The following FAF1 variants were observed in gnomAD, a reference collection of about 807,000 sequenced individuals.
The protein encoded by FAF1 is FAS-associated factor 1.
FAF1 carries 25 observed loss-of-function variants against 92.5 expected under a neutral mutation model. That is an observed-to-expected ratio of 0.27 (90% CI 0.20 to 0.38). The LOEUF (loss-of-function observed/expected upper bound fraction) is 0.38. FAF1 is among the 10% of genes least tolerant of loss of function. The pLI, the probability that FAF1 is intolerant of heterozygous loss-of-function variation, is 1.00. For synonymous variants in FAF1, 234 were observed against 273.2 expected, an observed-to-expected ratio of 0.86 and a Z score of 1.42; for missense variants, 636 against 793.3, an observed-to-expected ratio of 0.80 and a Z score of 2.38.
At chr1:50,717,088 C>G (rs957438111) in intron 6 of FAF1, among the ~76,000 whole-genome samples, 9 of 152,200 alleles carry the variant, frequency 5.9e-5, no homozygotes, top group Admixed American at 3.9e-4. Context: ...AGCCGTAACA[C>G]TCACCGCGAA....
rs533015191 is a variant in FAF1, at chr1:50,760,324, G to A, written c.368-15549C>T. Among the ~76,000 whole-genome samples the A allele has an allele frequency of 7.1e-4, 108 of 152,178 alleles. 1 individual carries two copies. The highest frequency in any genetic ancestry group is 1.2e-3 in the Non-Finnish European group (82 of 68,016). On this transcript the variant is annotated intron_variant, in intron 4 of 18. Transcript: ENST00000396153. The stretch of plus-strand genomic sequence containing the variant: ...ATACCCAGGAATTGAACTCAGCTCT[G>A]CACCAAGCAGACCTAAGAGACATCT...
At chr1:50,641,800 T>C (rs979217267) in intron 8 of FAF1, among the ~76,000 whole-genome samples, 37 of 152,228 alleles carry the variant, frequency 2.4e-4, no homozygotes, top group Non-Finnish European at 4.0e-4. Flanking sequence ...GCTTTGGCTT[T>C]GCGTATTTTG....
chr1:50,552,409 A>G (rs1649356082), intron 13 of FAF1, among the ~76,000 whole-genome samples: 1 of 152,328 alleles, frequency 6.6e-6, no homozygotes, highest in South Asian at 2.1e-4. Context: ...AATAAATCCA[A>G]AGCTCATTCA....
chr1:50,620,590 G>A (rs1255215853), intron 8 of FAF1, among the ~76,000 whole-genome samples: 1 of 152,198 alleles, frequency 6.6e-6, no homozygotes, highest in East Asian at 1.9e-4. Flanking sequence ...CCATTGTTGG[G>A]AAACTAGTGG....
At chr1:50,896,223 T>A (rs1322295596) in intron 1 of FAF1, among the ~76,000 whole-genome samples, 1 of 152,082 alleles carries the variant, frequency 6.6e-6, no homozygotes, top group Non-Finnish European at 1.5e-5. Flanking sequence ...AGGTTGAGGC[T>A]GCGGTGAGCC....
intron 6 of FAF1, among the ~76,000 whole-genome samples, chr1:50,722,259 G>A (rs1658440859): frequency 6.6e-6 from 1 of 152,170 alleles, no homozygotes; most frequent in African/African-American, 2.4e-5. Flanking sequence ...GAGACTTTAT[G>A]TTGAGGACCA....
chr1:50,585,816 T>C (rs900412975), intron 9 of FAF1, among the ~76,000 whole-genome samples: 2 of 145,906 alleles, frequency 1.4e-5, no homozygotes, highest in Non-Finnish European at 3.0e-5. Flanking sequence ...AGAAAAGCAT[T>C]AATAGAAACA....
chr1:50,668,097 A>G (rs559822098), intron 7 of FAF1, among the ~76,000 whole-genome samples: 1 of 152,258 alleles, frequency 6.6e-6, no homozygotes, highest in Non-Finnish European at 1.5e-5. Flanking sequence ...AATGCAAAAA[A>G]CAAAGACAAC....
intron 15 of FAF1, among the ~76,000 whole-genome samples, chr1:50,530,191 T>C (rs1054751364): frequency 1.3e-4 from 20 of 151,884 alleles, no homozygotes; most frequent in African/African-American, 4.6e-4. Flanking sequence ...GAAAATTCTC[T>C]TAACAGAACT....
chr1:50,939,773 T>C (rs1428859195), intron 1 of FAF1, among the ~76,000 whole-genome samples: 2 of 152,224 alleles, frequency 1.3e-5, no homozygotes, highest in African/African-American at 2.4e-5. Context: ...CTGCATCTAT[T>C]GAGATGATCA....
chr1:50,663,488 C>T (rs1404713843), intron 7 of FAF1, among the ~76,000 whole-genome samples: 10 of 150,586 alleles, frequency 6.6e-5, no homozygotes, highest in South Asian at 2.1e-4. Flanking sequence ...CTGCAACCTC[C>T]GCCTCCCAGG....
At chr1:50,852,234 C>T (rs1644356775) in intron 2 of FAF1, among the ~76,000 whole-genome samples, 2 of 152,122 alleles carry the variant, frequency 1.3e-5, no homozygotes, top group Admixed American at 6.6e-5. Context: ...TGGGTTGTCC[C>T]GCTCTTTCCT....
chr1:50,927,121 C>T (rs1339953915), intron 1 of FAF1, among the ~76,000 whole-genome samples: 2 of 152,038 alleles, frequency 1.3e-5, no homozygotes, highest in Non-Finnish European at 2.9e-5. Context: ...AGGGAGTTAA[C>T]GTTTAATCAA....
chr1:50,934,046 C>T (rs1645068050), intron 1 of FAF1, among the ~76,000 whole-genome samples: 1 of 152,154 alleles, frequency 6.6e-6, no homozygotes, highest in Non-Finnish European at 1.5e-5. Context: ...CACAGCCAAA[C>T]CATATCAGCA....
intron 15 of FAF1, among the ~76,000 whole-genome samples, chr1:50,528,742 C>A (rs191427360): frequency 6.6e-6 from 1 of 152,018 alleles, no homozygotes; most frequent in Admixed American, 6.6e-5. Context: ...AGTGTGCCTG[C>A]CTCTTCTGCC....
At chr1:50,565,491 T>C (rs939001754) in intron 13 of FAF1, among the ~76,000 whole-genome samples, 2 of 152,100 alleles carry the variant, frequency 1.3e-5, no homozygotes, top group African/African-American at 2.4e-5. Flanking sequence ...GACACAGCTG[T>C]ACTGGCTCTT....
intron 1 of FAF1, among the ~76,000 whole-genome samples, chr1:50,915,071 T>C (rs1391597997): frequency 6.6e-6 from 1 of 152,156 alleles, no homozygotes; most frequent in African/African-American, 2.4e-5. Flanking sequence ...TTCTTTTTCA[T>C]CACTTAAAAA....
chr1:50,819,001 C>T (rs1644004961), intron 2 of FAF1, among the ~76,000 whole-genome samples: 1 of 152,042 alleles, frequency 6.6e-6, no homozygotes, highest in African/African-American at 2.4e-5. Flanking sequence ...TAGACTGTGA[C>T]CCATCACATA....
chr1:50,697,807 A>G (rs1248984563), intron 7 of FAF1, among the ~76,000 whole-genome samples: 1 of 152,206 alleles, frequency 6.6e-6, no homozygotes, highest in Admixed American at 6.5e-5. Flanking sequence ...GTTTTTCAAA[A>G]TAATAATAGG....
Sources: allele counts gnomAD v4.1 joint callset (sites outside exome capture counted in the v4.1 genomes callset), GRCh38; gene constraint gnomAD v4.1.1; transcripts MANE v1.5; gene names NCBI Gene and HGNC (gene_info 2026-07-23, HGNC 2026-07-21).